The following SNX30 variants were observed in gnomAD, a reference collection of about 807,000 sequenced individuals.
The protein encoded by SNX30 is sorting nexin family member 30.
A neutral mutation model predicts 46.4 loss-of-function variants in SNX30; 24 were observed. That is an observed-to-expected ratio of 0.52 (90% confidence interval 0.37 to 0.73). The LOEUF is 0.73. Among genes scored for constraint, SNX30 ranks in the 30% least tolerant of loss-of-function variants. The probability of loss-of-function intolerance (pLI) is 0.00; values close to 1 mark genes in which losing one functional copy is unlikely to be tolerated. For missense variants in SNX30, 533 were observed against 555.7 expected, an observed-to-expected ratio of 0.96 and a Z score of 0.41; for synonymous variants, 189 against 211.5, an observed-to-expected ratio of 0.89 and a Z score of 0.92.
chr9:112,813,591 C>G (rs577114794), intron 2 of SNX30, among the ~76,000 whole-genome samples: 4 of 151,918 alleles, frequency 2.6e-5, no homozygotes, highest in Admixed American at 2.6e-4. Context: ...GCCTCAGCCT[C>G]CAGAGTACAG....
intron 7 of SNX30, among the ~76,000 whole-genome samples, chr9:112,851,337 A>C (rs112707793): frequency 0.023 from 3,437 of 152,328 alleles, 67 homozygotes; most frequent in East Asian, 0.088. Flanking sequence ...GGAAACTTCT[A>C]TAGGAATTTG....
chr9:112,843,429 C>T (rs540016575), intron 6 of SNX30, among the ~76,000 whole-genome samples: 47 of 151,962 alleles, frequency 3.1e-4, no homozygotes, highest in Non-Finnish European at 5.7e-4. Context: ...ACTTGGAAGA[C>T]ATATGGGAGT....
In SNX30 at chr9:112,817,756, C is replaced by G; in HGVS notation, c.400C>G (p.Gln134Glu). 6.2e-7 allele frequency: 1 copy of G among 1,613,768 alleles called. No individual in the cohort carries two copies. ...LPEYSVRRRY[Q>E]DFDWLRSKLE... ...AGAATATTCTGTTCGTCGAAGATAC[C>G]AGGATTTTGACTGGTTGAGGAGCAA... is the stretch of plus-strand genomic sequence containing the variant. The change falls in exon 3 of 9, where the codon CAG becomes GAG. Residue 134 changes from glutamine to glutamate, a missense_variant. Physicochemically the swap from Gln to Glu is conservative, Grantham distance 29 (BLOSUM62 2). This residue lies in a region of SNX30 where 81 missense variants were observed against 124.4 expected (regional missense o/e 0.65). Coordinates refer to ENST00000374232, the MANE Select transcript of SNX30 (RefSeq NM_001012994.2).
chr9:112,839,272 C>G (rs563373283), intron 6 of SNX30, among the ~76,000 whole-genome samples: 1 of 152,128 alleles, frequency 6.6e-6, no homozygotes, highest in African/African-American at 2.4e-5. Context: ...AGACATAAAT[C>G]GTCTGATTAA....
chr9:112,775,209 G>A (rs1478734834), intron 1 of SNX30, among the ~76,000 whole-genome samples: 1 of 144,902 alleles, frequency 6.9e-6, no homozygotes, highest in Non-Finnish European at 1.5e-5. Flanking sequence ...AGGCTGGAGT[G>A]CAATGGTGTG....
At chr9:112,822,736 A>G (rs891591487) in intron 3 of SNX30, among the ~76,000 whole-genome samples, 8 of 152,196 alleles carry the variant, frequency 5.3e-5, no homozygotes, top group African/African-American at 1.9e-4. Flanking sequence ...TTCCAAAAAT[A>G]AACAGTTCAT....
At chr9:112,864,703 T>G (rs927955166) in intron 8 of SNX30, among the ~76,000 whole-genome samples, 14 of 152,260 alleles carry the variant, frequency 9.2e-5, no homozygotes, top group South Asian at 2.1e-4. Context: ...TTCAGCACAG[T>G]GATGCTGCCA....
chr9:112,884,715 A>C (rs544758164), downstream of SNX30, among the ~76,000 whole-genome samples: 1 of 152,242 alleles, frequency 6.6e-6, no homozygotes, highest in Non-Finnish European at 1.5e-5. Flanking sequence ...CCTTACCTGC[A>C]TAAGCGCTCA....
intron 1 of SNX30, among the ~76,000 whole-genome samples, chr9:112,781,086 T>G (rs141868293): frequency 8.4e-4 from 128 of 152,320 alleles, no homozygotes; most frequent in African/African-American, 2.9e-3. Context: ...AAAGCCATTT[T>G]ATTTTGGTGG....
At chr9:112,863,856 G>A (rs1323947579) in intron 7 of SNX30, among the ~76,000 whole-genome samples, 1 of 152,248 alleles carries the variant, frequency 6.6e-6, no homozygotes, top group Non-Finnish European at 1.5e-5. Context: ...GGACACAGGA[G>A]AATAGCAGGG....
intron 1 of SNX30, among the ~76,000 whole-genome samples, chr9:112,776,793 G>A (rs947294333): frequency 4.6e-5 from 7 of 152,222 alleles, no homozygotes; most frequent in Non-Finnish European, 1.5e-5. Flanking sequence ...CCTCCTTTCA[G>A]GATGTGTGGC....
At chr9:112,810,351 A>AGGAG (rs1840300976) in intron 2 of SNX30, among the ~76,000 whole-genome samples, 1 of 152,184 alleles carries the variant, frequency 6.6e-6, no homozygotes, top group Non-Finnish European at 1.5e-5. Flanking sequence ...GTGTGCTCAC[A>AGGAG]CACCCAGGTC....
chr9:112,780,494 G>T (rs1013142492), intron 1 of SNX30, among the ~76,000 whole-genome samples: 5 of 152,230 alleles, frequency 3.3e-5, no homozygotes, highest in African/African-American at 1.2e-4. Flanking sequence ...TGGGTTTGCT[G>T]ATGGCAGCTG....
At chr9:112,867,392 A>ACATCCTCAGAATT (rs1564298215) in intron 8 of SNX30, among the ~76,000 whole-genome samples, 1 of 93,000 alleles carries the variant, frequency 1.1e-5, no homozygotes, top group Non-Finnish European at 2.2e-5. Flanking sequence ...AACTCTTCCC[A>ACATCCTCAGAATT]CCTCCTCAGA....
intron 7 of SNX30, among the ~76,000 whole-genome samples, chr9:112,861,438 C>A (rs537773021): frequency 1.3e-5 from 2 of 152,176 alleles, no homozygotes; most frequent in African/African-American, 4.8e-5. Flanking sequence ...ATATTATTAG[C>A]CAGACAGAGA....
intron 7 of SNX30, among the ~76,000 whole-genome samples, chr9:112,853,940 G>C (rs1368539672): frequency 1.3e-5 from 2 of 152,202 alleles, no homozygotes; most frequent in Non-Finnish European, 2.9e-5. Flanking sequence ...ACTTTTTCTG[G>C]CTAGGGAAGG....
chr9:112,759,769 C>T (rs1839408732), intron 1 of SNX30, among the ~76,000 whole-genome samples: 1 of 151,484 alleles, frequency 6.6e-6, no homozygotes, highest in Admixed American at 6.6e-5. Flanking sequence ...ATCATGTTGT[C>T]TGGATTTGAA....
chr9:112,809,592 A>G (rs1251617412), intron 2 of SNX30, among the ~76,000 whole-genome samples: 1 of 151,978 alleles, frequency 6.6e-6, no homozygotes, highest in African/African-American at 2.4e-5. Flanking sequence ...GAGTCATAAC[A>G]CCCCAACTAG....
In SNX30 at chr9:112,751,127, CCTGCTGATGGCCCG is replaced by C; in HGVS notation, c.128_141del (p.Leu43GlnfsTer4). On this transcript the variant is annotated frameshift_variant, in exon 1 of 9. Transcript: ENST00000374232. LOFTEE classifies it high-confidence loss of function. ...GTGGTGACAGCACGCCCAGCCCGGA[CCTGCTGATGGCCCG>C]CAGCTTCGGTGACAAGGTGGGGCGC... 6.6e-7 allele frequency: 1 copy of C among 1,509,966 alleles called. No homozygotes were observed. The highest frequency in any genetic ancestry group is 8.8e-7 in the Non-Finnish European group (1 of 1,137,536). The allele number at this position is 1,509,966 out of a possible 1,614,324, so 93.5% of individuals were successfully genotyped here. A position where few individuals can be genotyped will look rare whatever the true frequency, so the allele number is the denominator to read the frequency against.
Sources: allele counts gnomAD v4.1 joint callset (sites outside exome capture counted in the v4.1 genomes callset), GRCh38; gene constraint gnomAD v4.1.1; regional missense constraint gnomAD v4.1.1; transcripts MANE v1.5; gene names NCBI Gene and HGNC (gene_info 2026-07-23, HGNC 2026-07-21).